The following B3GALT1 variants were observed in gnomAD, a reference collection of about 807,000 sequenced individuals.
B3GALT1 encodes beta-1,3-galactosyltransferase 1, also known as UDP-Gal:betaGlcNAc beta 1,3-galactosyltransferase, polypeptide 1.
A neutral mutation model predicts 23.2 loss-of-function variants in B3GALT1; 10 were observed. The observed-to-expected ratio is 0.43, with a 90% CI of 0.27 to 0.73. The LOEUF is 0.73. Among genes scored for constraint, B3GALT1 ranks in the 30% least tolerant of loss-of-function variants. The probability of loss-of-function intolerance (pLI) is 0.21; values close to 1 mark genes in which losing one functional copy is unlikely to be tolerated. For synonymous variants in B3GALT1, 156 were observed against 141.5 expected, an observed-to-expected ratio of 1.10 and a Z score of -0.73; for missense variants, 299 against 405.4, an observed-to-expected ratio of 0.74 and a Z score of 2.25.
intron 4 of B3GALT1, among the ~76,000 whole-genome samples, chr2:167,840,489 C>A (rs1300500906): frequency 5.3e-5 from 8 of 150,638 alleles, no homozygotes; most frequent in Admixed American, 3.3e-4. Flanking sequence ...TCATCTCACA[C>A]CAGTTAGAAT....
chr2:167,737,397 C>T (rs1405196415), intron 3 of B3GALT1, among the ~76,000 whole-genome samples: 1 of 152,220 alleles, frequency 6.6e-6, no homozygotes, highest in African/African-American at 2.4e-5. Context: ...CATAGCTGAT[C>T]AAATAATTAT....
chr2:167,717,047 A>G (rs1171816326), intron 3 of B3GALT1, among the ~76,000 whole-genome samples: 1 of 152,190 alleles, frequency 6.6e-6, no homozygotes, highest in African/African-American at 2.4e-5. Context: ...TGAAACATCA[A>G]TCATAATTTA....
Position 167,870,172 on chromosome 2 carries a change from TTTATGAATG to T in B3GALT1, c.*156_*164del, listed in dbSNP as rs1167159466. On this transcript the variant is annotated 3_prime_UTR_variant, in exon 5 of 5. Transcript: ENST00000392690. Reference sequence around the variant, plus strand: ...ATAAGTTCTTTTCTTGGATTACCAATTTATGAATGTTAGACTCTGGTCATAGAAACAATA... The same window carrying T: ...ATAAGTTCTTTTCTTGGATTACCAATTTAGACTCTGGTCATAGAAACAATA... The T allele has an allele frequency of 4.1e-6, 3 of 735,466 alleles. No homozygotes were observed. Among genetic ancestry groups the T allele is most frequent in the Non-Finnish European group, 6.5e-6 (3 of 460,612 alleles). 45.6% of individuals were successfully genotyped at this position (735,466 alleles called of 1,614,324 possible).
At chr2:167,643,383 C>T (rs940409664) in intron 2 of B3GALT1, among the ~76,000 whole-genome samples, 4 of 152,134 alleles carry the variant, frequency 2.6e-5, no homozygotes, top group Non-Finnish European at 1.5e-5. Flanking sequence ...TTTACATCAT[C>T]GATCCATTGG....
chr2:167,367,713 G>T (rs1410566410), intron 1 of B3GALT1, among the ~76,000 whole-genome samples: 1 of 152,050 alleles, frequency 6.6e-6, no homozygotes, highest in African/African-American at 2.4e-5. Context: ...GAAGGAATTT[G>T]ATCAAAAATT....
chr2:167,676,172 C>T (rs1164483993), intron 3 of B3GALT1, among the ~76,000 whole-genome samples: 3 of 152,076 alleles, frequency 2.0e-5, no homozygotes, highest in Non-Finnish European at 2.9e-5. Flanking sequence ...CCCTCGCTTC[C>T]TCTCACACAC....
chr2:167,676,005 CCA>C (rs1686417893), intron 3 of B3GALT1, among the ~76,000 whole-genome samples: 2 of 151,824 alleles, frequency 1.3e-5, no homozygotes, highest in Admixed American at 1.3e-4. Flanking sequence ...ATGTTGAGAG[CCA>C]CACCTGGTTC....
chr2:167,342,405 T>C (rs535348410), intron 1 of B3GALT1, among the ~76,000 whole-genome samples: 3 of 152,090 alleles, frequency 2.0e-5, no homozygotes, highest in Admixed American at 6.5e-5. Flanking sequence ...CTGACCAACA[T>C]GGTGAAACCC....
chr2:167,367,143 TA>T (rs955067256), intron 1 of B3GALT1, among the ~76,000 whole-genome samples: 20 of 152,300 alleles, frequency 1.3e-4, no homozygotes, highest in African/African-American at 4.6e-4. Context: ...GACAGAGACG[TA>T]TACATTTTTT....
Position 167,872,700 on chromosome 2 carries a change from A to C in B3GALT1, c.*2680A>C, listed in dbSNP as rs1352963300. On this transcript the variant is annotated 3_prime_UTR_variant, in exon 5 of 5. Transcript: ENST00000392690. ...TATGTGTGTGCATACATTATGATACAGCCCTGATCTTTAAAAGGAGCAAAA... is the reference window on the plus strand; with the variant it reads ...TATGTGTGTGCATACATTATGATACCGCCCTGATCTTTAAAAGGAGCAAAA... 1 of 152,252 alleles carries C rather than the reference A, an allele frequency of 6.6e-6. No individual in the cohort carries two copies. The highest frequency in any genetic ancestry group is 1.5e-5 in the Non-Finnish European group (1 of 68,042). The allele number at this position is 152,252 out of a possible 1,614,324, so 9.4% of individuals were successfully genotyped here. A position where few individuals can be genotyped will look rare whatever the true frequency, so the allele number is the denominator to read the frequency against.
intron 1 of B3GALT1, among the ~76,000 whole-genome samples, chr2:167,425,514 A>T (rs1235379435): frequency 2.0e-5 from 3 of 152,218 alleles, no homozygotes; most frequent in East Asian, 1.9e-4. Context: ...GTTGAGAAAA[A>T]AATTACTTTT....
chr2:167,626,646 G>C (rs1558929029), intron 2 of B3GALT1, among the ~76,000 whole-genome samples: 2 of 151,652 alleles, frequency 1.3e-5, no homozygotes, highest in South Asian at 2.1e-4. Context: ...GTTTTGGACT[G>C]TTTGCTATCT....
intron 1 of B3GALT1, among the ~76,000 whole-genome samples, chr2:167,393,450 T>C (rs1461416369): frequency 6.6e-6 from 1 of 151,920 alleles, no homozygotes; most frequent in African/African-American, 2.4e-5. Context: ...AACATGGATC[T>C]CATTTTGTTT....
In B3GALT1 at chr2:167,476,860, A is replaced by G. The variant is rs916702094; in HGVS notation, c.-510-13317A>G. 6.6e-5 allele frequency among the ~76,000 whole-genome samples: 10 copies of G among 152,342 alleles called. No homozygotes were observed. In the East Asian group the frequency reaches 7.7e-4, roughly 12 times the overall value. On this transcript the variant is annotated intron_variant, in intron 1 of 4. Coordinates refer to ENST00000392690, the MANE Select transcript of B3GALT1 (RefSeq NM_020981.4). Reference sequence around the variant, plus strand: ...CAAAGAAGAAAAAGAAGAAAGGGGGATCACCAAATGTGAAGAAAAGAGAAA... The same window carrying G: ...CAAAGAAGAAAAAGAAGAAAGGGGGGTCACCAAATGTGAAGAAAAGAGAAA...
intron 3 of B3GALT1, among the ~76,000 whole-genome samples, chr2:167,759,057 C>T (rs944101244): frequency 2.6e-5 from 4 of 152,180 alleles, no homozygotes; most frequent in Admixed American, 1.3e-4. Context: ...GGCAAATAAT[C>T]GACCTCTCTT....
intron 2 of B3GALT1, among the ~76,000 whole-genome samples, chr2:167,534,800 T>C (rs1683387685): frequency 6.6e-6 from 1 of 152,230 alleles, no homozygotes; most frequent in Admixed American, 6.5e-5. Flanking sequence ...GCATTGTTAG[T>C]ACCACTGTTC....
intron 2 of B3GALT1, among the ~76,000 whole-genome samples, chr2:167,617,129 C>G (rs895479709): frequency 6.6e-6 from 1 of 152,066 alleles, no homozygotes; most frequent in East Asian, 1.9e-4. Flanking sequence ...GTCCCACCCT[C>G]CATATGTTGT....
At chr2:167,562,648 T>C (rs1682143719) in intron 2 of B3GALT1, among the ~76,000 whole-genome samples, 1 of 118,146 alleles carries the variant, frequency 8.5e-6, no homozygotes, top group East Asian at 5.1e-4. Flanking sequence ...TCACAAGCAT[T>C]CTTTTTTTTT....
At chr2:167,605,994 A>G (rs112167351) in intron 2 of B3GALT1, among the ~76,000 whole-genome samples, 2,300 of 152,298 alleles carry the variant, frequency 0.015, 24 homozygotes, top group Middle Eastern at 0.024. Context: ...GGATGGCTCT[A>G]TTGGCAAAGA....
Sources: allele counts gnomAD v4.1 joint callset (sites outside exome capture counted in the v4.1 genomes callset), GRCh38; gene constraint gnomAD v4.1.1; transcripts MANE v1.5; gene names NCBI Gene and HGNC (gene_info 2026-07-23, HGNC 2026-07-21).